Variants in INPP4B observed in about 807,000 individuals in gnomAD.
INPP4B encodes the protein inositol polyphosphate-4-phosphatase type II B, also known as inositol polyphosphate 4-phosphatase type II.
Under a neutral mutation model 122.5 loss-of-function variants are expected in INPP4B, and 55 were observed. The ratio of observed to expected loss-of-function variants is 0.45; its 90% CI spans 0.36 to 0.56. The LOEUF (loss-of-function observed/expected upper bound fraction) is 0.56, where lower values mean the gene tolerates loss of function less well. Ranked by LOEUF, INPP4B falls within the 20% of genes least tolerant of loss-of-function variation. The pLI, the probability that INPP4B is intolerant of heterozygous loss-of-function variation, is 0.00. For missense variants in INPP4B, 1,000 were observed against 1,097.7 expected (o/e 0.91, Z 1.26); for synonymous variants, 403 against 388.7 (o/e 1.04, Z -0.43).
chr4:142,650,397 C>A (rs1341747074), intron 2 of INPP4B, among the ~76,000 whole-genome samples: 7 of 152,068 alleles, frequency 4.6e-5, no homozygotes, highest in African/African-American at 1.4e-4. Flanking sequence ...GGGTTAAATG[C>A]CCCAATTAAA....
At chr4:142,194,453 T>C (rs929972262) in intron 14 of INPP4B, among the ~76,000 whole-genome samples, 2 of 152,176 alleles carry the variant, frequency 1.3e-5, no homozygotes, top group African/African-American at 4.8e-5. Context: ...TAATTACATC[T>C]GTTCTATGTC....
intron 2 of INPP4B, among the ~76,000 whole-genome samples, chr4:142,535,210 T>C (rs1437782181): frequency 6.6e-6 from 1 of 152,214 alleles, no homozygotes; most frequent in African/African-American, 2.4e-5. Context: ...TTTTGTCTGA[T>C]GTTGTCCCTT....
chr4:142,748,874 G>A (rs1003190929), intron 1 of INPP4B, among the ~76,000 whole-genome samples: 4 of 151,896 alleles, frequency 2.6e-5, no homozygotes, highest in African/African-American at 9.7e-5. Flanking sequence ...GCACAGTGGT[G>A]CAGGCCTGTA....
Position 142,765,746 on chromosome 4 carries a change from G to T in INPP4B, c.-253-39845C>A, listed in dbSNP as rs149797395. The T allele has an allele frequency of 1.1e-3, 162 of 151,716 alleles. 1 individual carries two copies. The highest frequency in any genetic ancestry group is 3.8e-3 in the African/African-American group (157 of 41,382). 9.4% of individuals were successfully genotyped at this position (151,716 alleles called of 1,614,324 possible). A position where few individuals can be genotyped will look rare whatever the true frequency, so the allele number is the denominator to read the frequency against. On this transcript the variant is annotated intron_variant, in intron 1 of 25. Transcript: ENST00000262992. Reference sequence around the variant, plus strand: ...ATCTTTCTTTTATTTATATAAACATGAACTAAAATCCAGCATTATTTTTCT... The same window carrying T: ...ATCTTTCTTTTATTTATATAAACATTAACTAAAATCCAGCATTATTTTTCT...
At chr4:142,497,389 A>T (rs1822725044) in intron 2 of INPP4B, among the ~76,000 whole-genome samples, 1 of 152,164 alleles carries the variant, frequency 6.6e-6, no homozygotes, top group South Asian at 2.1e-4. Flanking sequence ...CCATAACCAA[A>T]TCATTTTCCC....
intron 12 of INPP4B, among the ~76,000 whole-genome samples, chr4:142,227,856 TAAAAAA>T (rs60375355): frequency 1.2e-4 from 4 of 34,226 alleles, no homozygotes; most frequent in South Asian, 1.4e-3. Context: ...AGACTCTATC[TAAAAAA>T]AAAAAAAAAA....
chr4:142,452,238 G>T (rs373818055), intron 3 of INPP4B, among the ~76,000 whole-genome samples: 5 of 152,178 alleles, frequency 3.3e-5, no homozygotes, highest in African/African-American at 1.2e-4. Flanking sequence ...TGAACTCATC[G>T]ACGAGGCACC....
At chr4:142,487,178 G>T (rs920435758) in intron 2 of INPP4B, among the ~76,000 whole-genome samples, 4 of 152,268 alleles carry the variant, frequency 2.6e-5, no homozygotes, top group African/African-American at 2.4e-5. Context: ...CAGGCAGCAA[G>T]GATGTGACTA....
chr4:142,203,500 A>G (rs144231535), intron 14 of INPP4B, among the ~76,000 whole-genome samples: 121 of 152,262 alleles, frequency 7.9e-4, no homozygotes, highest in African/African-American at 2.7e-3. Context: ...ATATTAGTAT[A>G]AAAACTTTTG....
At chr4:142,376,980 G>A (rs555238650) in intron 7 of INPP4B, among the ~76,000 whole-genome samples, 1 of 152,012 alleles carries the variant, frequency 6.6e-6, no homozygotes, top group African/African-American at 2.4e-5. Context: ...ACTGCTGCAA[G>A]TGCTATGTAT....
intron 20 of INPP4B, 66 bp from the exon 21 acceptor site, chr4:142,122,311 C>T (rs78361969): frequency 0.072 from 80,475 of 1,121,300 alleles, 3,113 homozygotes; most frequent in Middle Eastern, 0.11. Context: ...AGCTACTATG[C>T]CTCCCTGCTG....
intron 2 of INPP4B, among the ~76,000 whole-genome samples, chr4:142,692,914 T>TATGGATAGATAGATAGATAGATAG (rs139962549): frequency 1.3e-5 from 2 of 148,238 alleles, no homozygotes; most frequent in African/African-American, 5.1e-5. Flanking sequence ...GGCTAGTCTC[T>TATGGATAGATAGATAGATAGATAG]ATAGATAGAT....
At chr4:142,637,045 T>C (rs1195495617) in intron 2 of INPP4B, among the ~76,000 whole-genome samples, 1 of 152,158 alleles carries the variant, frequency 6.6e-6, no homozygotes, top group Non-Finnish European at 1.5e-5. Flanking sequence ...ACTTTATTTT[T>C]TAAAGCAGTT....
chr4:142,663,421 T>A (rs1755531026), intron 2 of INPP4B, among the ~76,000 whole-genome samples: 1 of 152,100 alleles, frequency 6.6e-6, no homozygotes, highest in Admixed American at 6.5e-5. Context: ...AATTTGTGAT[T>A]ACACATTTTA....
chr4:142,214,444 A>G (rs1846186994), intron 12 of INPP4B, among the ~76,000 whole-genome samples: 1 of 152,198 alleles, frequency 6.6e-6, no homozygotes, highest in African/African-American at 2.4e-5. Flanking sequence ...TCTGCTGTTT[A>G]ACTCAATGTT....
chr4:142,300,816 C>T (rs536237794), intron 9 of INPP4B, among the ~76,000 whole-genome samples: 5 of 152,140 alleles, frequency 3.3e-5, no homozygotes, highest in African/African-American at 1.2e-4. Flanking sequence ...TCCATAAAAA[C>T]ACTACTGTAA....
In INPP4B at chr4:142,478,793, T is replaced by C. The variant is rs181974420; in HGVS notation, c.-190-16067A>G. ...CCAGGTCTTGATATCAGAATAATAC[T>C]GGCCTCATAGAATGAGCTGGATCTC... On this transcript the variant is annotated intron_variant, in intron 2 of 25. Coordinates refer to ENST00000262992, the MANE Select transcript of INPP4B (RefSeq NM_001101669.3). Among the ~76,000 whole-genome samples the C allele has an allele frequency of 1.1e-3, 165 of 152,330 alleles. 1 individual carries two copies. The highest frequency in any genetic ancestry group is 2.2e-3 in the Non-Finnish European group (147 of 68,028).
At chr4:142,693,741 C>T (rs1186086487) in intron 2 of INPP4B, among the ~76,000 whole-genome samples, 1 of 152,152 alleles carries the variant, frequency 6.6e-6, no homozygotes, top group East Asian at 1.9e-4. Flanking sequence ...TCACGCTATG[C>T]TTTCAAAATA....
intron 2 of INPP4B, among the ~76,000 whole-genome samples, chr4:142,600,099 A>G (rs1367123925): frequency 1.3e-5 from 2 of 152,206 alleles, no homozygotes; most frequent in African/African-American, 2.4e-5. Context: ...AAACTATTCA[A>G]CAACATAATA....
Sources: allele counts gnomAD v4.1 joint callset (sites outside exome capture counted in the v4.1 genomes callset), GRCh38; gene constraint gnomAD v4.1.1; transcripts MANE v1.5; gene names NCBI Gene and HGNC (gene_info 2026-07-23, HGNC 2026-07-21).